CIITA: variants seen among roughly 807,000 people sequenced by gnomAD.
The protein encoded by CIITA is MHC class II transactivator.
A neutral mutation model predicts 115.1 loss-of-function variants in CIITA; 72 were observed. The ratio of observed to expected loss-of-function variants is 0.63; its 90% CI spans 0.52 to 0.76. The LOEUF (loss-of-function observed/expected upper bound fraction) is 0.76, where lower values mean the gene tolerates loss of function less well. Among genes scored for constraint, CIITA ranks in the 30% least tolerant of loss-of-function variants. The probability of loss-of-function intolerance (pLI) is 0.00; values close to 1 mark genes in which losing one functional copy is unlikely to be tolerated. For synonymous variants in CIITA, 763 were observed against 635.6 expected, an observed-to-expected ratio of 1.20 and a Z score of -3.02; for missense variants, 1,617 against 1,463.8, an observed-to-expected ratio of 1.10 and a Z score of -1.71.
chr16:10,906,625 T>C lies in CIITA; in HGVS notation c.1133T>C (p.Leu378Pro). Reference sequence around the variant, plus strand: ...CTGGAGAGGAGCAGCAGCAAGAGCCTGGAGCGGGAACTGGCCACCCCGGAC... The same window carrying C: ...CTGGAGAGGAGCAGCAGCAAGAGCCCGGAGCGGGAACTGGCCACCCCGGAC... ...ARLERSSSKS[L>P]ERELATPDWA... is the part of the protein sequence containing the mutation. The change falls in exon 11 of 20, where the codon CTG (leucine) becomes CCG (proline). Residue 378 changes from leucine (L) to proline (P), a missense_variant. By Grantham distance (98) the Leu-to-Pro change is moderately conservative. Transcript: ENST00000324288. 1 of 1,613,902 alleles carries C rather than the reference T, an allele frequency of 6.2e-7. No individual in the cohort carries two copies. Among genetic ancestry groups the C allele is most frequent in the South Asian group, 1.1e-5 (1 of 91,068 alleles).
rs1567405610 is a variant in CIITA at position 10,902,111 on chromosome 16, G to T, written c.555G>T (p.Leu185=). 1.2e-6 allele frequency: 2 copies of T among 1,614,170 alleles called. No homozygotes were observed. Among genetic ancestry groups the T allele is most frequent in the Non-Finnish European group, 8.5e-7 (1 of 1,180,026 alleles). ...PVSDCSTLPC[L]PLPALFNQEP... ...GCGACTGCTCCACCCTGCCCTGCCT[G>T]CCACTGCCTGCGCTGTTCAACCAGG... is the stretch of plus-strand genomic sequence containing the variant. Residue 185 remains leucine, a synonymous_variant, in exon 7 of 20, where the codon CTG becomes CTT. Coordinates refer to ENST00000324288, the MANE Select transcript of CIITA (RefSeq NM_000246.4).
At chr16:10,937,880 CAAGAAA>C (rs1343055786), downstream of CIITA, 2 of 152,204 alleles carry the variant, frequency 1.3e-5, no homozygotes, top group Non-Finnish European at 2.9e-5. The surrounding 1 kb of genome is among the most constrained non-coding windows in gnomAD (Gnocchi z 4.2). Flanking sequence ...CACAGGGCAG[CAAGAAA>C]GTTCTCCTAA....
chr16:10,919,280 GCCC>G (rs143739440), intron 16 of CIITA, among the ~76,000 whole-genome samples: 148,890 of 152,062 alleles, frequency 0.98, 72,996 homozygotes, highest in East Asian at 1. Flanking sequence ...TGCAACTTCT[GCCC>G]CCCCCCAGGT....
Position 10,935,389 on chromosome 16 carries a change from T to C in CIITA, c.*11534T>C, listed in dbSNP as rs2040985327. 6.6e-6 allele frequency: 1 copy of C among 152,228 alleles called. No homozygotes were observed. Among genetic ancestry groups the C allele is most frequent in the African/African-American group, 2.4e-5 (1 of 41,466 alleles). 9.4% of individuals were successfully genotyped at this position (152,228 alleles called of 1,614,324 possible). ...TTGTTAATCTCTTTTTAACAAAGAATACAGGCCAAGGCCCTGTGACTTTAG... is the reference window on the plus strand; with the variant it reads ...TTGTTAATCTCTTTTTAACAAAGAACACAGGCCAAGGCCCTGTGACTTTAG... On this transcript the variant is annotated 3_prime_UTR_variant, in exon 20 of 20. Coordinates refer to ENST00000324288, the MANE Select transcript of CIITA (RefSeq NM_000246.4).
chr16:10,878,578 G>C (rs1317616392), intron 1 of CIITA, among the ~76,000 whole-genome samples: 1 of 152,302 alleles, frequency 6.6e-6, no homozygotes, highest in East Asian at 1.9e-4. Context: ...TCATCTCAGG[G>C]GCCATGTGCC....
Position 10,902,638 on chromosome 16 carries a change from A to G in CIITA, c.629-20A>G, listed in dbSNP as rs1172775039. 6.2e-7 allele frequency: 1 copy of G among 1,614,058 alleles called. No homozygotes were observed. The highest frequency in any genetic ancestry group is 8.5e-7 in the Non-Finnish European group (1 of 1,180,026). ...CAGGTGCTATGCAAGATCCCACCTC[A>G]CTGCCTTTGTCTCTTGCAGTGCCTT... On this transcript the variant is annotated intron_variant, in intron 7 of 19. Coordinates refer to ENST00000324288, the MANE Select transcript of CIITA (RefSeq NM_000246.4).
chr16:10,882,972 C>CCAGGA (rs2036576264), intron 1 of CIITA, among the ~76,000 whole-genome samples: 2 of 152,152 alleles, frequency 1.3e-5, no homozygotes, highest in African/African-American at 4.8e-5. Flanking sequence ...GGGGTGAGGC[C>CCAGGA]CAGGACGCTG....
upstream of CIITA, among the ~76,000 whole-genome samples, chr16:10,872,720 C>A (rs2035571397): frequency 6.6e-6 from 1 of 152,234 alleles, no homozygotes; most frequent in African/African-American, 2.4e-5. Flanking sequence ...TCCCTATTCA[C>A]CGATCTCTTT....
chr16:10,911,749 C>T (rs2039598358), intron 13 of CIITA, among the ~76,000 whole-genome samples: 1 of 151,898 alleles, frequency 6.6e-6, no homozygotes, highest in Non-Finnish European at 1.5e-5. Flanking sequence ...CAGGATTTCA[C>T]CATGTTGCCC....
Position 10,901,486 on chromosome 16 carries a change from G to A in CIITA, c.437-28G>A. 4 of 1,613,860 alleles carry A rather than the reference G, an allele frequency of 2.5e-6. No homozygotes were observed. Among genetic ancestry groups the A allele is most frequent in the Non-Finnish European group, 1.7e-6 (2 of 1,179,904 alleles). On this transcript the variant is annotated intron_variant, in intron 5 of 19. Coordinates refer to ENST00000324288, the MANE Select transcript of CIITA (RefSeq NM_000246.4). This position sits in a 1 kb window ranked among gnomAD's most constrained non-coding sequence, Gnocchi z 6.8. ...CTGGCTTGGGACATCCTCTCCCTGG[G>A]GCAGCTGATCACATGTTTTCTCTGC... is the stretch of plus-strand genomic sequence containing the variant.
intron 1 of CIITA, among the ~76,000 whole-genome samples, chr16:10,889,952 G>T (rs2037379536): frequency 6.6e-6 from 1 of 152,192 alleles, no homozygotes; most frequent in South Asian, 2.1e-4. Flanking sequence ...CCTCCTCTAA[G>T]CTCAAATGGG....
At chr16:10,913,966 T>TAAATAAATAAATAA in intron 13 of CIITA, among the ~76,000 whole-genome samples, 1 of 77,358 alleles carries the variant, frequency 1.3e-5, no homozygotes. Flanking sequence ...AATAAATAAA[T>TAAATAAATAAATAA]AGAACTCCAT....
intron 16 of CIITA, among the ~76,000 whole-genome samples, chr16:10,919,287 CCCA>C (rs1294055119): frequency 7.4e-6 from 1 of 135,068 alleles, no homozygotes; most frequent in Non-Finnish European, 1.6e-5. Flanking sequence ...TCTGCCCCCC[CCCA>C]GGTTCAAGCT....
At chr16:10,918,870 A>C (rs914286652) in intron 16 of CIITA, among the ~76,000 whole-genome samples, 1 of 152,192 alleles carries the variant, frequency 6.6e-6, no homozygotes, top group African/African-American at 2.4e-5. Context: ...CTGGAAGGCT[A>C]ACCACGTACG....
intron 12 of CIITA, among the ~76,000 whole-genome samples, chr16:10,909,524 G>T (rs543363704): frequency 6.6e-6 from 1 of 152,312 alleles, no homozygotes; most frequent in African/African-American, 2.4e-5. Context: ...GAGGCATTTA[G>T]GACAACTGTT....
In CIITA at chr16:10,907,267, A is replaced by T; in HGVS notation, c.1775A>T (p.Asp592Val). The part of the protein sequence containing the change: ...FESSGMTEHQ[D>V]RALTLLRDRP... Reference sequence around the variant, plus strand: ...AGCTCAGGGATGACAGAGCACCAAGACAGAGCCCTGACGCTCCTCCGGGAC... The same window carrying T: ...AGCTCAGGGATGACAGAGCACCAAGTCAGAGCCCTGACGCTCCTCCGGGAC... Residue 592 changes from aspartate (D) to valine (V), a missense_variant, in exon 11 of 20, where the codon GAC (aspartate) becomes GTC (valine). Coordinates refer to ENST00000324288, the MANE Select transcript of CIITA (RefSeq NM_000246.4). The surrounding 1 kb of genome is among the most constrained non-coding windows in gnomAD (Gnocchi z 5.0). 6.2e-7 allele frequency: 1 copy of T among 1,613,190 alleles called. No individual in the cohort carries two copies.
rs927854363 is a variant in CIITA, at chr16:10,933,553, G to A, written c.*9698G>A. ...GGGCCAGTTTCCTCATCTGGAAAAGGGGACAGTGCCCACCACATTGGGCTG... is the reference window on the plus strand; with the variant it reads ...GGGCCAGTTTCCTCATCTGGAAAAGAGGACAGTGCCCACCACATTGGGCTG... On this transcript the variant is annotated 3_prime_UTR_variant, in exon 20 of 20. Coordinates refer to ENST00000324288, the MANE Select transcript of CIITA (RefSeq NM_000246.4). 3.9e-5 allele frequency: 6 copies of A among 152,366 alleles called. No homozygotes were observed. Among genetic ancestry groups the A allele is most frequent in the African/African-American group, 1.2e-4 (5 of 41,440 alleles). 9.4% of individuals were successfully genotyped at this position (152,366 alleles called of 1,614,324 possible). A position where few individuals can be genotyped will look rare whatever the true frequency, so the allele number is the denominator to read the frequency against.
chr16:10,922,484 C>T lies in CIITA; in HGVS notation c.3311C>T (p.Thr1104Met), dbSNP rs367805896. The T allele has an allele frequency of 1.1e-5, 18 of 1,613,886 alleles. No homozygotes were observed. Among genetic ancestry groups the T allele is most frequent in the African/African-American group, 8.0e-5 (6 of 74,932 alleles). Residue 1104 changes from threonine (T) to methionine (M), a missense_variant, in exon 18 of 20, where the codon ACG becomes ATG. Thr to Met is a moderately conservative substitution (Grantham distance 81). Transcript: ENST00000324288. ...ASLRRCPHVETLAMWTPTIPF... is the reference protein window; with the variant it reads ...ASLRRCPHVEMLAMWTPTIPF... ...CTTCGGAGGTGTCCTCATGTGGAGA[C>T]GCTGGCGTAAGTCCAGGCAACCCTG...
At chr16:10,896,707 C>A (rs1330215962) in intron 3 of CIITA, among the ~76,000 whole-genome samples, 2 of 152,222 alleles carry the variant, frequency 1.3e-5, no homozygotes, top group Non-Finnish European at 2.9e-5. Context: ...GCTTGGGCAC[C>A]TGTGTGCAGT....
Sources: gnomAD v4.1 joint callset for allele counts (sites outside exome capture counted in the v4.1 genomes callset) on GRCh38, gnomAD v4.1.1 for gene constraint, Gnocchi (gnomAD v3.1) non-coding constraint, MANE v1.5 for transcripts, NCBI Gene and HGNC (gene_info 2026-07-23, HGNC 2026-07-21) for gene names.